Variants in NRCAM observed in about 807,000 individuals in gnomAD.
NRCAM encodes the protein NgCAM-related cell adhesion molecule.
Under a neutral mutation model 156.5 loss-of-function variants are expected in NRCAM, and 83 were observed. That is an observed-to-expected ratio of 0.53 (90% CI 0.44 to 0.64). The LOEUF (loss-of-function observed/expected upper bound fraction) is 0.64, where lower values mean the gene tolerates loss of function less well. Ranked by LOEUF, NRCAM falls within the 30% of genes least tolerant of loss-of-function variation. NRCAM has a pLI of 0.00. For synonymous variants in NRCAM, 538 were observed against 563.9 expected (o/e 0.95, Z 0.65); for missense variants, 1,417 against 1,597.3 (o/e 0.89, Z 1.92).
At chr7:108,212,271 T>C (rs1243112995) in intron 11 of NRCAM, among the ~76,000 whole-genome samples, 1 of 152,186 alleles carries the variant, frequency 6.6e-6, no homozygotes, top group African/African-American at 2.4e-5. Flanking sequence ...ACCTTCCCTC[T>C]GACAGAATCT....
At chr7:108,344,987 G>A (rs879689108) in intron 2 of NRCAM, among the ~76,000 whole-genome samples, 2 of 152,166 alleles carry the variant, frequency 1.3e-5, no homozygotes, top group Non-Finnish European at 2.9e-5. Flanking sequence ...TCTATCAATA[G>A]AATAGGATTC....
chr7:108,372,293 G>T (rs2099633292), intron 2 of NRCAM, among the ~76,000 whole-genome samples: 1 of 152,014 alleles, frequency 6.6e-6, no homozygotes, highest in African/African-American at 2.4e-5. Context: ...GCATGACATT[G>T]ATTTCATGAA....
chr7:108,394,126 A>C (rs934574697), intron 2 of NRCAM, among the ~76,000 whole-genome samples: 9 of 152,208 alleles, frequency 5.9e-5, no homozygotes, highest in African/African-American at 1.9e-4. Context: ...TTGAATGCAC[A>C]TGGGCCTGGG....
chr7:108,159,126 T>C (rs2047272384), intron 32 of NRCAM: 2 of 399,736 alleles, frequency 5.0e-6, no homozygotes, highest in South Asian at 4.0e-5. Context: ...TTCTTTACAA[T>C]GCAGGCATTG....
intron 3 of NRCAM, among the ~76,000 whole-genome samples, chr7:108,294,885 G>T (rs939366064): frequency 1.3e-5 from 2 of 152,054 alleles, no homozygotes; most frequent in Non-Finnish European, 2.9e-5. Context: ...CCCCATTCTT[G>T]TTCAGTTTCC....
intron 14 of NRCAM, 67 bp downstream of exon 14, chr7:108,197,889 G>A (rs2075984482): frequency 7.9e-7 from 1 of 1,262,860 alleles, no homozygotes; most frequent in East Asian, 2.6e-5. Context: ...TATTTTTGCT[G>A]ATTGAACAGA....
In NRCAM at chr7:108,148,416, A is replaced by C. The variant is rs1256094952; in HGVS notation, c.*1494T>G. On this transcript the variant is annotated 3_prime_UTR_variant, in exon 33 of 33. Coordinates refer to ENST00000379028, the MANE Select transcript of NRCAM (RefSeq NM_001037132.4). ...ATATAAAAAGCTTTACTTAAAATTAAACTTGATGCAAGTTATGAGAAACCA... is the reference window on the plus strand; with the variant it reads ...ATATAAAAAGCTTTACTTAAAATTACACTTGATGCAAGTTATGAGAAACCA... 3 of 152,658 alleles carry C rather than the reference A, an allele frequency of 2.0e-5. No homozygotes were observed. Among genetic ancestry groups the C allele is most frequent in the Non-Finnish European group, 4.4e-5 (3 of 68,044 alleles). The allele number at this position is 152,658 out of a possible 1,614,324, so 9.5% of individuals were successfully genotyped here.
intron 3 of NRCAM, among the ~76,000 whole-genome samples, chr7:108,269,580 T>C (rs2097262641): frequency 6.6e-6 from 1 of 152,164 alleles, no homozygotes; most frequent in Admixed American, 6.6e-5. Context: ...TAGCGACATG[T>C]TCCCTACAGG....
intron 2 of NRCAM, among the ~76,000 whole-genome samples, chr7:108,330,511 T>C (rs1221560717): frequency 6.6e-6 from 1 of 152,204 alleles, no homozygotes; most frequent in Non-Finnish European, 1.5e-5. Flanking sequence ...TGGCTCCCAC[T>C]GTGCCCGTTA....
intron 3 of NRCAM, among the ~76,000 whole-genome samples, chr7:108,279,043 A>G (rs1166092391): frequency 6.6e-6 from 1 of 152,188 alleles, no homozygotes; most frequent in African/African-American, 2.4e-5. Context: ...AGCCACTGAA[A>G]GAAGGTTGTC....
chr7:108,294,591 A>C (rs1003596081), intron 3 of NRCAM, among the ~76,000 whole-genome samples: 5 of 152,238 alleles, frequency 3.3e-5, no homozygotes, highest in Admixed American at 6.5e-5. Context: ...AACCAAGAAT[A>C]AACAAAATAG....
chr7:108,351,528 G>A (rs1268408191), intron 2 of NRCAM, among the ~76,000 whole-genome samples: 5 of 152,182 alleles, frequency 3.3e-5, no homozygotes, highest in African/African-American at 4.8e-5. Flanking sequence ...TGGACTGATT[G>A]GATCAGGGCT....
chr7:108,191,357 A>G lies in NRCAM; in HGVS notation c.1904-74T>C, dbSNP rs1235604752. 5 of 1,130,654 alleles carry G rather than the reference A, an allele frequency of 4.4e-6. No individual in the cohort carries two copies. The African/African-American group carries it at 6.2e-5, about 14-fold the overall frequency. The allele number at this position is 1,130,654 out of a possible 1,614,324, so 70.0% of individuals were successfully genotyped here. ...AAGATACAAGATAGCACAAGATGACAAAGACTGTACATTATTCAAGGTTAT... is the reference window on the plus strand; with the variant it reads ...AAGATACAAGATAGCACAAGATGACGAAGACTGTACATTATTCAAGGTTAT... On this transcript the variant is annotated intron_variant, in intron 18 of 32. Coordinates refer to ENST00000379028, the MANE Select transcript of NRCAM (RefSeq NM_001037132.4).
intron 2 of NRCAM, among the ~76,000 whole-genome samples, chr7:108,317,521 G>A (rs149500988): frequency 2.6e-5 from 4 of 152,196 alleles, no homozygotes; most frequent in Admixed American, 2.6e-4. Context: ...TTATATGGCA[G>A]ATAGTGAGAA....
chr7:108,346,317 G>A (rs10953563), intron 2 of NRCAM, among the ~76,000 whole-genome samples: 28,151 of 152,078 alleles, frequency 0.19, 3,468 homozygotes, highest in East Asian at 0.45. Flanking sequence ...AATTATTTGA[G>A]TCTCCTGATT....
At chr7:108,330,411 G>A (rs1348378526) in intron 2 of NRCAM, among the ~76,000 whole-genome samples, 5 of 152,178 alleles carry the variant, frequency 3.3e-5, no homozygotes, top group African/African-American at 7.2e-5. Flanking sequence ...TTGCCTGACC[G>A]AGCCTAATCA....
chr7:108,218,834 A>T (rs779958107), intron 11 of NRCAM, among the ~76,000 whole-genome samples: 2 of 152,200 alleles, frequency 1.3e-5, no homozygotes, highest in African/African-American at 4.8e-5. Context: ...ACCCAAACCC[A>T]GCAGAAGAAA....
chr7:108,356,838 T>C (rs1189948967), intron 2 of NRCAM, among the ~76,000 whole-genome samples: 1 of 152,184 alleles, frequency 6.6e-6, no homozygotes, highest in Non-Finnish European at 1.5e-5. Flanking sequence ...AATTCATATG[T>C]TGAAATCCCA....
At chr7:108,440,400 G>A (rs1003178090) in intron 1 of NRCAM, among the ~76,000 whole-genome samples, 14 of 151,654 alleles carry the variant, frequency 9.2e-5, no homozygotes, top group Non-Finnish European at 2.9e-5. Flanking sequence ...AATGAATTAA[G>A]CCGAGGACTT....
Sources: gnomAD v4.1 joint callset for allele counts (sites outside exome capture counted in the v4.1 genomes callset) on GRCh38, gnomAD v4.1.1 for gene constraint, MANE v1.5 for transcripts, NCBI Gene and HGNC (gene_info 2026-07-23, HGNC 2026-07-21) for gene names.